Variants in TCFL5 observed in about 807,000 individuals in gnomAD.
TCFL5 encodes transcription factor like 5.
Under a neutral mutation model 44.3 loss-of-function variants are expected in TCFL5, and 9 were observed. That is an observed-to-expected ratio of 0.20 (90% CI 0.12 to 0.35). The LOEUF is 0.35. Among genes scored for constraint, TCFL5 ranks in the 10% least tolerant of loss-of-function variants. The pLI is 1.00. For synonymous variants in TCFL5, 319 were observed against 271.6 expected (o/e 1.17, Z -1.72); for missense variants, 603 against 613.4 (o/e 0.98, Z 0.18).
At chr20:62,850,432 C>A (rs2063792704) in intron 5 of TCFL5, among the ~76,000 whole-genome samples, 1 of 152,024 alleles carries the variant, frequency 6.6e-6, no homozygotes, top group Non-Finnish European at 1.5e-5. Context: ...ACAGCCCCAT[C>A]CACCCAGCCA....
intron 5 of TCFL5, chr20:62,852,033 T>C: frequency 1.0e-6 from 1 of 973,110 alleles, no homozygotes; most frequent in Non-Finnish European, 1.2e-6. Context: ...CTCGAACTCC[T>C]GGCCTCAAAT....
chr20:62,846,633 AG>A (rs2063746267), intron 5 of TCFL5, among the ~76,000 whole-genome samples: 1 of 151,890 alleles, frequency 6.6e-6, no homozygotes, highest in African/African-American at 2.4e-5. Flanking sequence ...TGCGGTGGTG[AG>A]GGGCGCCTAC....
chr20:62,857,367 C>A, intron 4 of TCFL5, 28 bp downstream of exon 4: 1 of 1,611,156 alleles, frequency 6.2e-7, no homozygotes, highest in South Asian at 1.1e-5. Context: ...ATATATGAGT[C>A]AGCCTGACAA....
intron 2 of TCFL5, among the ~76,000 whole-genome samples, chr20:62,859,822 G>A (rs182905015): frequency 1.3e-5 from 2 of 151,754 alleles, no homozygotes; most frequent in East Asian, 3.9e-4. Flanking sequence ...CCAGGCTCAA[G>A]CGATTCTCCC....
Position 62,859,456 on chromosome 20 carries a change from G to A in TCFL5, c.902C>T (p.Ser301Phe). 6.2e-7 allele frequency: 1 copy of A among 1,614,072 alleles called. No homozygotes were observed. The highest frequency in any genetic ancestry group is 8.5e-7 in the Non-Finnish European group (1 of 1,180,000). ...HQDIGLPRAF[S>F]FCYQQEIEST... The stretch of plus-strand genomic sequence containing the variant: ...TTCAATTTCTTGCTGATAACAGAAA[G>A]AAAATGCTCTAGGCAATCCAATATC... The change falls in exon 3 of 6, where the codon TCT (serine) becomes TTT (phenylalanine). Residue 301 changes from serine to phenylalanine, a missense_variant. Ser to Phe is a radical substitution (Grantham distance 155). Transcript: ENST00000335351.
intron 5 of TCFL5, chr20:62,851,572 G>C: frequency 3.0e-6 from 3 of 985,320 alleles, no homozygotes; most frequent in Non-Finnish European, 3.6e-6. Flanking sequence ...TAACTGCATT[G>C]TAAATAACCA....
chr20:62,844,825 A>G, intron 5 of TCFL5: 1 of 952,266 alleles, frequency 1.1e-6, no homozygotes, highest in Non-Finnish European at 1.2e-6. Context: ...CAAACTCCTG[A>G]CCTCAGGTGA....
chr20:62,850,112 T>C (rs2063789009), intron 5 of TCFL5, among the ~76,000 whole-genome samples: 1 of 152,182 alleles, frequency 6.6e-6, no homozygotes, highest in African/African-American at 2.4e-5. Flanking sequence ...ACTGGGATTC[T>C]GTGGAAGGCC....
rs369805134 is a variant in TCFL5, at chr20:62,841,114, G to A, written c.*861C>T. On this transcript the variant is annotated 3_prime_UTR_variant, in exon 6 of 6. Transcript: ENST00000335351. Reference sequence around the variant, plus strand: ...CTTCAGATTAATGACTGGCTACAGAGTAACAAAAAATAAAGAATTTAATGT... The same window carrying A: ...CTTCAGATTAATGACTGGCTACAGAATAACAAAAAATAAAGAATTTAATGT... 4.9e-5 allele frequency: 11 copies of A among 224,666 alleles called. No individual in the cohort carries two copies. The East Asian group carries it at 9.8e-4, about 20-fold the overall frequency. The allele number at this position is 224,666 out of a possible 1,614,324, so 13.9% of individuals were successfully genotyped here.
chr20:62,850,039 GA>G (rs1395233630), intron 5 of TCFL5, among the ~76,000 whole-genome samples: 1 of 152,114 alleles, frequency 6.6e-6, no homozygotes. Flanking sequence ...GGGCAAATCT[GA>G]ATAGTCTGTG....
In TCFL5 at chr20:62,842,845, C is replaced by G. The variant is rs73157336; in HGVS notation, c.1381-748G>C. ...CACCCCAGGGCGACTGCCTTGCCCT[C>G]TGCACTGCCACACACTCAGGGTTCC... On this transcript the variant is annotated intron_variant, in intron 5 of 5. Coordinates refer to ENST00000335351, the MANE Select transcript of TCFL5 (RefSeq NM_006602.4). This position sits in a 1 kb window ranked among gnomAD's most constrained non-coding sequence, Gnocchi z 4.3. 0.14 allele frequency among the ~76,000 whole-genome samples: 20,563 copies of G among 152,288 alleles called. 1,896 individuals carry two copies. Among genetic ancestry groups the G allele is most frequent in the Non-Finnish European group, 0.2 (13,460 of 68,004 alleles).
intron 2 of TCFL5, 115 bp downstream of exon 2, chr20:62,860,010 A>T: frequency 9.2e-7 from 1 of 1,086,948 alleles, no homozygotes; most frequent in Non-Finnish European, 1.3e-6. Flanking sequence ...CGCCCGGCTT[A>T]AAAGGTTATT....
chr20:62,860,613 C>G (rs970465770), intron 1 of TCFL5, among the ~76,000 whole-genome samples: 1 of 152,270 alleles, frequency 6.6e-6, no homozygotes. Flanking sequence ...GCGGACGCAG[C>G]CCCTTCCACA....
chr20:62,843,963 G>C (rs1250392115), intron 5 of TCFL5, among the ~76,000 whole-genome samples: 1 of 152,206 alleles, frequency 6.6e-6, no homozygotes, highest in Non-Finnish European at 1.5e-5. Context: ...TTGTGTGCTT[G>C]TAACACATTT....
intron 5 of TCFL5, chr20:62,851,383 A>G: frequency 3.1e-6 from 1 of 321,486 alleles, no homozygotes; most frequent in Non-Finnish European, 4.5e-6. Flanking sequence ...TTGACTATAC[A>G]TACAATTAAC....
At chr20:62,849,383 T>C (rs1355097499) in intron 5 of TCFL5, among the ~76,000 whole-genome samples, 1 of 152,194 alleles carries the variant, frequency 6.6e-6, no homozygotes, top group African/African-American at 2.4e-5. Flanking sequence ...AATAGAGCCA[T>C]CTAAACCCAG....
intron 5 of TCFL5, among the ~76,000 whole-genome samples, chr20:62,850,244 G>T (rs935989323): frequency 6.6e-6 from 1 of 152,102 alleles, no homozygotes; most frequent in African/African-American, 2.4e-5. Flanking sequence ...TGAAGCATGG[G>T]TGTACAGGTG....
chr20:62,845,425 T>C, intron 5 of TCFL5: 5 of 1,255,696 alleles, frequency 4.0e-6, no homozygotes, highest in Non-Finnish European at 5.0e-6. Flanking sequence ...GCCCAGCTTC[T>C]TCCCAAATTT....
At position 62,842,004 on chromosome 20, in the gene TCFL5, G is replaced by A; in HGVS notation, c.1474C>T (p.Gln492Ter). ...LVTCPAQGSL[Q>*]SSPSMEIK is the part of the protein sequence containing the mutation. ...TTGATCTCCATCGAGGGGCTGCTCT[G>A]TAAACTCCCCTGTGCAGGACAGGTC... Residue 492 changes from glutamine to a stop codon, truncating the protein, a stop_gained, in exon 6 of 6, where the codon CAG becomes TAG. Transcript: ENST00000335351. LOFTEE classifies it high-confidence loss of function. The surrounding 1 kb of genome is among the most constrained non-coding windows in gnomAD (Gnocchi z 4.3). The A allele has an allele frequency of 1.9e-6, 3 of 1,614,204 alleles. No individual in the cohort carries two copies. The highest frequency in any genetic ancestry group is 1.1e-5 in the South Asian group (1 of 91,090).
Sources: allele counts gnomAD v4.1 joint callset (sites outside exome capture counted in the v4.1 genomes callset), GRCh38; gene constraint gnomAD v4.1.1; non-coding constraint Gnocchi (gnomAD v3.1); transcripts MANE v1.5; gene names NCBI Gene and HGNC (gene_info 2026-07-23, HGNC 2026-07-21).